The following HS3ST4 variants were observed in gnomAD, a reference collection of about 807,000 sequenced individuals.
HS3ST4 encodes heparan sulfate-glucosamine 3-sulfotransferase 4.
A neutral mutation model predicts 29.2 loss-of-function variants in HS3ST4; 17 were observed. The observed-to-expected ratio is 0.58, with a 90% CI of 0.40 to 0.87. The LOEUF is 0.87. Among genes scored for constraint, HS3ST4 ranks in the 40% least tolerant of loss-of-function variants. The pLI is 0.00. For synonymous variants in HS3ST4, 314 were observed against 285.7 expected (o/e 1.10, Z -1.00); for missense variants, 627 against 634.5 (o/e 0.99, Z 0.13).
intron 1 of HS3ST4, among the ~76,000 whole-genome samples, chr16:26,040,588 A>G (rs1969629125): frequency 6.6e-6 from 1 of 151,728 alleles, no homozygotes; most frequent in Admixed American, 6.6e-5. Context: ...TACAGGGGTG[A>G]GCCACCGCAT....
intron 1 of HS3ST4, among the ~76,000 whole-genome samples, chr16:25,893,742 A>G (rs1327590929): frequency 6.6e-6 from 1 of 152,240 alleles, no homozygotes; most frequent in Admixed American, 6.5e-5. Flanking sequence ...TCAAATGAAA[A>G]TTGTGGGGTC....
intron 1 of HS3ST4, among the ~76,000 whole-genome samples, chr16:25,730,367 T>C (rs563029180): frequency 2.0e-5 from 3 of 146,998 alleles, no homozygotes; most frequent in Non-Finnish European, 4.5e-5. Flanking sequence ...CTCCCTCCCT[T>C]CCTTCTTTCC....
intron 1 of HS3ST4, among the ~76,000 whole-genome samples, chr16:26,124,508 G>A (rs970565120): frequency 1.3e-5 from 2 of 152,172 alleles, no homozygotes; most frequent in Non-Finnish European, 2.9e-5. Flanking sequence ...CAGATCCCAT[G>A]AAGGAAAACA....
chr16:25,850,716 G>T (rs575953539), intron 1 of HS3ST4, among the ~76,000 whole-genome samples: 3 of 152,268 alleles, frequency 2.0e-5, no homozygotes, highest in South Asian at 4.1e-4. Context: ...TGCTGCATCT[G>T]GAAGGATTTC....
chr16:26,027,757 C>A (rs952985800), intron 1 of HS3ST4, among the ~76,000 whole-genome samples: 2 of 152,112 alleles, frequency 1.3e-5, no homozygotes, highest in Non-Finnish European at 2.9e-5. Context: ...TCTTATTAAT[C>A]CTGATGTAAC....
intron 1 of HS3ST4, among the ~76,000 whole-genome samples, chr16:25,868,392 C>T (rs906915800): frequency 2.6e-5 from 4 of 152,134 alleles, no homozygotes; most frequent in Admixed American, 2.0e-4. Context: ...CTTCCCCCTT[C>T]CCCCTTCCCT....
At chr16:25,867,290 A>G (rs1967705347) in intron 1 of HS3ST4, among the ~76,000 whole-genome samples, 1 of 152,096 alleles carries the variant, frequency 6.6e-6, no homozygotes, top group Non-Finnish European at 1.5e-5. Flanking sequence ...CTGGAGAGGG[A>G]CTGGCAGGAG....
intron 1 of HS3ST4, among the ~76,000 whole-genome samples, chr16:25,730,059 G>A (rs182451293): frequency 6.6e-6 from 1 of 152,262 alleles, no homozygotes; most frequent in African/African-American, 2.4e-5. Flanking sequence ...TTTTGAAACT[G>A]GATGGTTTTA....
intron 1 of HS3ST4, among the ~76,000 whole-genome samples, chr16:25,954,846 C>T (rs1968714054): frequency 6.6e-6 from 1 of 152,178 alleles, no homozygotes; most frequent in Admixed American, 6.5e-5. Flanking sequence ...CCAATCATTT[C>T]ATATAAGAGA....
At chr16:25,931,451 G>A (rs1436132590) in intron 1 of HS3ST4, among the ~76,000 whole-genome samples, 10 of 152,224 alleles carry the variant, frequency 6.6e-5, no homozygotes, top group Non-Finnish European at 1.5e-4. Flanking sequence ...TAGATAAAGT[G>A]CAGGGCACAA....
intron 1 of HS3ST4, among the ~76,000 whole-genome samples, chr16:25,985,664 CATT>C (rs1969054741): frequency 6.6e-6 from 1 of 151,832 alleles, no homozygotes; most frequent in Non-Finnish European, 1.5e-5. Flanking sequence ...TTATTTTTAT[CATT>C]ATTTTTCAAA....
chr16:25,963,816 G>A (rs1414721209), intron 1 of HS3ST4, among the ~76,000 whole-genome samples: 2 of 152,204 alleles, frequency 1.3e-5, no homozygotes, highest in Admixed American at 6.5e-5. Context: ...GGTGTCCATT[G>A]TGGGCAGGAT....
chr16:26,110,733 C>T (rs1380714345), intron 1 of HS3ST4, among the ~76,000 whole-genome samples: 1 of 152,146 alleles, frequency 6.6e-6, no homozygotes, highest in Non-Finnish European at 1.5e-5. Context: ...GTTCTGTGCT[C>T]AGAAACTACT....
chr16:25,840,372 A>G (rs1436441654), intron 1 of HS3ST4, among the ~76,000 whole-genome samples: 1 of 152,216 alleles, frequency 6.6e-6, no homozygotes. Flanking sequence ...AGAAACCCAC[A>G]TGGCATATGG....
intron 1 of HS3ST4, among the ~76,000 whole-genome samples, chr16:26,129,531 A>T (rs896406503): frequency 1.3e-5 from 2 of 152,238 alleles, no homozygotes; most frequent in Non-Finnish European, 2.9e-5. Context: ...TTTAAAAATT[A>T]ATAGCTACTG....
At chr16:26,070,270 G>C (rs935522102) in intron 1 of HS3ST4, among the ~76,000 whole-genome samples, 1 of 152,156 alleles carries the variant, frequency 6.6e-6, no homozygotes, top group African/African-American at 2.4e-5. Flanking sequence ...GAGATGATAT[G>C]TCATTGTGGT....
intron 1 of HS3ST4, among the ~76,000 whole-genome samples, chr16:25,812,848 T>C (rs1967055650): frequency 6.6e-6 from 1 of 152,126 alleles, no homozygotes; most frequent in Non-Finnish European, 1.5e-5. Context: ...ACTATAGGTG[T>C]GCACCACCTT....
At chr16:25,796,919 G>C (rs1039247318) in intron 1 of HS3ST4, among the ~76,000 whole-genome samples, 1 of 152,180 alleles carries the variant, frequency 6.6e-6, no homozygotes, top group Non-Finnish European at 1.5e-5. Flanking sequence ...CATGGCACTG[G>C]TGGGAGTGCC....
chr16:25,934,689 A>G (rs1032360264), intron 1 of HS3ST4, among the ~76,000 whole-genome samples: 1 of 152,082 alleles, frequency 6.6e-6, no homozygotes, highest in Non-Finnish European at 1.5e-5. Flanking sequence ...GACTGCACCA[A>G]ACCGGAGAAC....
Sources: allele counts gnomAD v4.1 joint callset (sites outside exome capture counted in the v4.1 genomes callset), GRCh38; gene constraint gnomAD v4.1.1; transcripts MANE v1.5; gene names NCBI Gene and HGNC (gene_info 2026-07-23, HGNC 2026-07-21).